The following ADCY1 variants were observed in gnomAD, a reference collection of about 807,000 sequenced individuals.
ADCY1 encodes adenylate cyclase 1.
In ADCY1, 28 loss-of-function variants were observed where a neutral mutation model predicts 105.4. The observed-to-expected ratio is 0.27, with a 90% confidence interval of 0.20 to 0.36. The LOEUF (loss-of-function observed/expected upper bound fraction) is 0.36. ADCY1 is among the 10% of genes least tolerant of loss of function. ADCY1 has a pLI of 1.00. For synonymous variants in ADCY1, 655 were observed against 623.8 expected, an observed-to-expected ratio of 1.05 and a Z score of -0.75; for missense variants, 977 against 1,434.2, an observed-to-expected ratio of 0.68 and a Z score of 5.15.
chr7:45,686,260 A>C lies in ADCY1; in HGVS notation c.2327+45A>C, dbSNP rs781022268. ...AGAAAAAGGCCTAAGCAGCGGTGCT[A>C]CTGAATCTGTGTATACAGATATGCA... On this transcript the variant is annotated intron_variant, in intron 13 of 19. Transcript: ENST00000297323. This position sits in a 1 kb window ranked among gnomAD's most constrained non-coding sequence, Gnocchi z 4.3. 6.3e-7 allele frequency: 1 copy of C among 1,591,900 alleles called. No homozygotes were observed. The highest frequency in any genetic ancestry group is 8.6e-7 in the Non-Finnish European group (1 of 1,168,426).
chr7:45,679,939 G>A (rs1315798129), intron 11 of ADCY1, 146 bp downstream of exon 11: 5 of 1,072,746 alleles, frequency 4.7e-6, no homozygotes, highest in Non-Finnish European at 7.2e-6. Context: ...CAGGTATGTG[G>A]GTGGCCTGTG....
chr7:45,619,132 T>A (rs1793821082), intron 3 of ADCY1, among the ~76,000 whole-genome samples: 1 of 152,178 alleles, frequency 6.6e-6, no homozygotes, highest in Non-Finnish European at 1.5e-5. Flanking sequence ...TACTGCATAG[T>A]CTCACTTTTA....
At chr7:45,635,152 C>G (rs550420629) in intron 4 of ADCY1, among the ~76,000 whole-genome samples, 1 of 143,128 alleles carries the variant, frequency 7.0e-6, no homozygotes, top group East Asian at 2.0e-4. Context: ...TTTTTTTTTC[C>G]TTAAATAAGC....
intron 10 of ADCY1, among the ~76,000 whole-genome samples, chr7:45,678,931 T>C (rs1240673776): frequency 1.3e-5 from 2 of 152,010 alleles, no homozygotes; most frequent in African/African-American, 4.8e-5. Context: ...GAGAAGAAAC[T>C]GCACTTAATG....
intron 17 of ADCY1, among the ~76,000 whole-genome samples, chr7:45,706,621 A>G (rs1785126700): frequency 6.6e-6 from 1 of 152,182 alleles, no homozygotes; most frequent in African/African-American, 2.4e-5. Context: ...AACATAGAAG[A>G]AAAATCTAGA....
intron 4 of ADCY1, among the ~76,000 whole-genome samples, chr7:45,623,486 T>A (rs983595724): frequency 4.6e-5 from 7 of 152,108 alleles, no homozygotes; most frequent in Admixed American, 2.0e-4. Flanking sequence ...GAATGTGCTG[T>A]GTTTAGAGAT....
intron 10 of ADCY1, among the ~76,000 whole-genome samples, chr7:45,679,235 C>T (rs75088326): frequency 0.037 from 5,580 of 152,298 alleles, 121 homozygotes; most frequent in East Asian, 0.065. Context: ...GAGTTCAGCC[C>T]TGGGTGCTCT....
chr7:45,622,339 A>G (rs1793923235), intron 3 of ADCY1, among the ~76,000 whole-genome samples: 1 of 152,114 alleles, frequency 6.6e-6, no homozygotes, highest in Non-Finnish European at 1.5e-5. Context: ...AGTGGAGGGC[A>G]GATGGGCTTT....
intron 4 of ADCY1, among the ~76,000 whole-genome samples, chr7:45,630,661 C>T (rs1172945871): frequency 6.6e-6 from 1 of 152,162 alleles, no homozygotes; most frequent in Non-Finnish European, 1.5e-5. Flanking sequence ...CCCTCCCTCC[C>T]TCTCTCTTTC....
At chr7:45,626,497 G>A (rs1239713991) in intron 4 of ADCY1, among the ~76,000 whole-genome samples, 3 of 152,294 alleles carry the variant, frequency 2.0e-5, no homozygotes, top group Middle Eastern at 3.4e-3. Flanking sequence ...GCTGGCAGAG[G>A]TTAGGATATC....
Position 45,713,737 on chromosome 7 carries a change from CTT to C in ADCY1, c.3104_3105del (p.Phe1035CysfsTer24), listed in dbSNP as rs1562737020. ...GGCTGCTGAGAAGGTGCCCCTACCACTTTGTGTGCCGAGGCAAAGTCAGTGTC... is the reference window on the plus strand; with the variant it reads ...GGCTGCTGAGAAGGTGCCCCTACCACTGTGTGCCGAGGCAAAGTCAGTGTC... ...HRLLRRCPYH[F>X]VCRGKVSVKG... On this transcript the variant is annotated frameshift_variant, in exon 20 of 20. Coordinates refer to ENST00000297323, the MANE Select transcript of ADCY1 (RefSeq NM_021116.4). LOFTEE classifies it high-confidence loss of function. 2 of 780,790 alleles carry C rather than the reference CTT, an allele frequency of 2.6e-6. No individual in the cohort carries two copies. Among genetic ancestry groups the C allele is most frequent in the South Asian group, 1.3e-5 (1 of 74,630 alleles). The allele number at this position is 780,790 out of a possible 1,614,324, so 48.4% of individuals were successfully genotyped here.
At chr7:45,590,600 G>T (rs1331625176) in intron 1 of ADCY1, among the ~76,000 whole-genome samples, 2 of 152,128 alleles carry the variant, frequency 1.3e-5, no homozygotes, top group Non-Finnish European at 2.9e-5. Context: ...GAAAAAGCCG[G>T]ATCTGAGTGG....
intron 8 of ADCY1, among the ~76,000 whole-genome samples, chr7:45,669,583 G>T (rs945726267): frequency 6.6e-6 from 1 of 152,180 alleles, no homozygotes; most frequent in African/African-American, 2.4e-5. Flanking sequence ...GTGTGGTGTG[G>T]TGCTGAGAAG....
chr7:45,717,914 C>A lies in ADCY1; in HGVS notation c.*3919C>A, dbSNP rs868174280. 6.6e-6 allele frequency: 1 copy of A among 152,570 alleles called. No homozygotes were observed. The highest frequency in any genetic ancestry group is 2.4e-5 in the African/African-American group (1 of 41,426). 9.5% of individuals were successfully genotyped at this position (152,570 alleles called of 1,614,324 possible). A position where few individuals can be genotyped will look rare whatever the true frequency, so the allele number is the denominator to read the frequency against. Reference sequence around the variant, plus strand: ...CTATACTGTAGAGATGAGTCTGGTCCGAAGCAGATTAGTAATTTAGAGATA... The same window carrying A: ...CTATACTGTAGAGATGAGTCTGGTCAGAAGCAGATTAGTAATTTAGAGATA... On this transcript the variant is annotated 3_prime_UTR_variant, in exon 20 of 20. Coordinates refer to ENST00000297323, the MANE Select transcript of ADCY1 (RefSeq NM_021116.4).
intron 8 of ADCY1, among the ~76,000 whole-genome samples, chr7:45,675,015 A>G (rs1784429127): frequency 1.3e-5 from 2 of 152,128 alleles, no homozygotes; most frequent in African/African-American, 4.8e-5. Flanking sequence ...TTTAATTGGT[A>G]TATTTAGAAT....
rs193121123 is a variant in ADCY1, at chr7:45,622,837, T to G, written c.1020+94T>G. On this transcript the variant is annotated intron_variant, in intron 4 of 19. Coordinates refer to ENST00000297323, the MANE Select transcript of ADCY1 (RefSeq NM_021116.4). ...GATTCCCTGTATTTGGACCATGAAC[T>G]AGACTGATTGCTAAGCATTTCTTCC... The G allele has an allele frequency of 4.8e-4, 445 of 933,358 alleles. 1 individual carries two copies. The highest frequency in any genetic ancestry group is 3.9e-3 in the Middle Eastern group (16 of 4,072). The allele number at this position is 933,358 out of a possible 1,614,324, so 57.8% of individuals were successfully genotyped here.
chr7:45,604,229 A>C (rs1299947822), intron 2 of ADCY1, among the ~76,000 whole-genome samples: 2 of 152,112 alleles, frequency 1.3e-5, no homozygotes, highest in African/African-American at 4.8e-5. Flanking sequence ...GGGCTTTGAG[A>C]GTTCTTTATA....
chr7:45,658,311 C>T (rs955915436), intron 6 of ADCY1, among the ~76,000 whole-genome samples: 1 of 152,222 alleles, frequency 6.6e-6, no homozygotes, highest in Non-Finnish European at 1.5e-5. Context: ...CTCCACACAG[C>T]CATCTAGGAG....
intron 1 of ADCY1, among the ~76,000 whole-genome samples, chr7:45,583,953 T>TTG (rs1562673119): frequency 2.1e-5 from 3 of 143,426 alleles, no homozygotes; most frequent in Admixed American, 6.8e-5. Context: ...TTTTTTTTTT[T>TTG]TTTTTTTTTT....
Sources: allele counts gnomAD v4.1 joint callset (sites outside exome capture counted in the v4.1 genomes callset), GRCh38; gene constraint gnomAD v4.1.1; non-coding constraint Gnocchi (gnomAD v3.1); transcripts MANE v1.5; gene names NCBI Gene and HGNC (gene_info 2026-07-23, HGNC 2026-07-21).